Variants in TF observed in about 807,000 individuals in gnomAD.
TF encodes the protein transferrin, also known as serotransferrin.
A neutral mutation model predicts 82.4 loss-of-function variants in TF; 55 were observed. The observed-to-expected ratio is 0.67, with a 90% CI of 0.54 to 0.84. The LOEUF (loss-of-function observed/expected upper bound fraction) is 0.84. TF is among the 40% of genes least tolerant of loss of function. TF has a pLI of 0.00. For missense variants in TF, 737 were observed against 868.4 expected (o/e 0.85, Z 1.90); for synonymous variants, 332 against 332.6 (o/e 1.00, Z 0.02).
chr3:133,740,519 C>G, the TF span, among the ~76,000 whole-genome samples: 1 of 152,156 alleles, frequency 6.6e-6, no homozygotes, highest in East Asian at 1.9e-4. Context: ...TTAGTATACA[C>G]GGGGTTTCAC....
At chr3:133,720,948 T>G in the TF span, among the ~76,000 whole-genome samples, 4 of 152,152 alleles carry the variant, frequency 2.6e-5, no homozygotes, top group African/African-American at 9.6e-5. Flanking sequence ...TAATGTCTCC[T>G]CTTTCATTTC....
the TF span, among the ~76,000 whole-genome samples, chr3:133,677,464 G>A: frequency 7.7e-3 from 1,172 of 152,092 alleles, 10 homozygotes; most frequent in African/African-American, 0.026. Context: ...TGGTGAAACC[G>A]TGTCTCTACT....
the TF span, among the ~76,000 whole-genome samples, chr3:133,730,030 T>C: frequency 6.6e-6 from 1 of 152,216 alleles, no homozygotes; most frequent in African/African-American, 2.4e-5. Flanking sequence ...TTCTCTTGCT[T>C]TTTCATGTTT....
chr3:133,735,482 G>A, the TF span, among the ~76,000 whole-genome samples: 1 of 152,150 alleles, frequency 6.6e-6, no homozygotes, highest in Admixed American at 6.5e-5. Flanking sequence ...ATAGGCTTCA[G>A]AAGGTGGGTA....
In TF at chr3:133,775,542, C is replaced by A; in HGVS notation, c.1797C>A (p.Ala599=). The change falls in exon 15 of 17, where the codon GCC becomes GCA. Residue 599 remains alanine (A), a synonymous_variant. Transcript: ENST00000402696. ...PVEEYANCHL[A]RAPNHAVVTR... ...AGGAGTATGCGAACTGCCACCTGGC[C>A]AGAGCCCCGAATCACGCTGTGGTCA... is the stretch of plus-strand genomic sequence containing the variant. 6.2e-7 allele frequency: 1 copy of A among 1,614,180 alleles called. No homozygotes were observed. Among genetic ancestry groups the A allele is most frequent in the South Asian group, 1.1e-5 (1 of 91,084 alleles).
At chr3:133,717,159 C>G in the TF span, among the ~76,000 whole-genome samples, 2 of 152,138 alleles carry the variant, frequency 1.3e-5, no homozygotes, top group Non-Finnish European at 2.9e-5. Context: ...CTTCGTGTCT[C>G]TTTTCTTCTG....
chr3:133,699,803 AG>A, the TF span: 6 of 258,234 alleles, frequency 2.3e-5, no homozygotes, highest in Admixed American at 8.9e-5. Flanking sequence ...TGTTATATAC[AG>A]CAGAGGAATA....
chr3:133,787,725 T>C lies in TF; in HGVS notation c.*9105T>C, dbSNP rs1461436989. 6.6e-6 allele frequency: 1 copy of C among 152,194 alleles called. No homozygotes were observed. Among genetic ancestry groups the C allele is most frequent in the Non-Finnish European group, 1.5e-5 (1 of 68,030 alleles). 9.4% of individuals were successfully genotyped at this position (152,194 alleles called of 1,614,324 possible). A position where few individuals can be genotyped will look rare whatever the true frequency, so the allele number is the denominator to read the frequency against. Reference sequence around the variant, plus strand: ...GTACTAGAAAATTTCAGTTTATCCATTGCCTTATATGTTAAATGCATTGCA... The same window carrying C: ...GTACTAGAAAATTTCAGTTTATCCACTGCCTTATATGTTAAATGCATTGCA... On this transcript the variant is annotated 3_prime_UTR_variant, in exon 17 of 17. Coordinates refer to ENST00000402696, the MANE Select transcript of TF (RefSeq NM_001063.4).
intron 14 of TF, 143 bp from the exon 15 acceptor site, chr3:133,775,290 G>A: frequency 2.5e-6 from 2 of 805,572 alleles, no homozygotes; most frequent in East Asian, 5.0e-5. Context: ...GTCTCTTCCT[G>A]TCCACATCAC....
At chr3:133,759,550 G>C (rs1933932280) in intron 9 of TF, among the ~76,000 whole-genome samples, 1 of 152,198 alleles carries the variant, frequency 6.6e-6, no homozygotes, top group South Asian at 2.1e-4. Context: ...ATGAGTGTAT[G>C]GTGAAAGGGC....
At chr3:133,667,374 C>T in the TF span, among the ~76,000 whole-genome samples, 145,445 of 147,884 alleles carry the variant, frequency 0.98, 71,534 homozygotes, top group South Asian at 0.99. Context: ...AAAAAAAAAA[C>T]CCAAGTATGT....
At chr3:133,728,863 C>A in the TF span, among the ~76,000 whole-genome samples, 6 of 152,192 alleles carry the variant, frequency 3.9e-5, no homozygotes, top group Non-Finnish European at 7.3e-5. Flanking sequence ...TGTTAGCTTT[C>A]CTTTTACCAG....
the TF span, among the ~76,000 whole-genome samples, chr3:133,725,019 C>T: frequency 6.6e-6 from 1 of 152,128 alleles, no homozygotes; most frequent in Non-Finnish European, 1.5e-5. Flanking sequence ...ATCTATATCT[C>T]TGTTTTGGTA....
At chr3:133,714,313 G>A in the TF span, among the ~76,000 whole-genome samples, 1 of 152,200 alleles carries the variant, frequency 6.6e-6, no homozygotes, top group Non-Finnish European at 1.5e-5. Context: ...GCAGGGCAGT[G>A]CTGTATGAAT....
At chr3:133,747,427 C>G (rs1032207384) in intron 1 of TF, 6 of 152,320 alleles carry the variant, frequency 3.9e-5, no homozygotes, top group African/African-American at 1.2e-4. Flanking sequence ...GTGGCCATCC[C>G]TGGTGGCCCC....
rs557619305 is a variant in TF at position 133,779,036 on chromosome 3, G to A, written c.*416G>A. 101 of 213,864 alleles carry A rather than the reference G, an allele frequency of 4.7e-4. No individual in the cohort carries two copies. The highest frequency in any genetic ancestry group is 4.6e-3 in the South Asian group (59 of 12,724). The allele number at this position is 213,864 out of a possible 1,614,324, so 13.2% of individuals were successfully genotyped here. A position where few individuals can be genotyped will look rare whatever the true frequency, so the allele number is the denominator to read the frequency against. ...GGTGTGTGTGTGCACGTGCGCGTGC[G>A]TGTGTCATGCTAAGGAAGGGGCAAG... On this transcript the variant is annotated 3_prime_UTR_variant, in exon 17 of 17. Transcript: ENST00000402696.
At chr3:133,776,772 G>A (rs1425518699) in intron 15 of TF, among the ~76,000 whole-genome samples, 2 of 152,156 alleles carry the variant, frequency 1.3e-5, no homozygotes, top group East Asian at 1.9e-4. Flanking sequence ...GGGGAAGAGA[G>A]GTCAGAGTAG....
At chr3:133,685,228 C>T in the TF span, among the ~76,000 whole-genome samples, 1 of 152,176 alleles carries the variant, frequency 6.6e-6, no homozygotes, top group African/African-American at 2.4e-5. Flanking sequence ...CTATCTGTGA[C>T]AAACCCACAG....
At chr3:133,744,886 C>A (rs575766174), upstream of TF, among the ~76,000 whole-genome samples, 1 of 152,150 alleles carries the variant, frequency 6.6e-6, no homozygotes, top group Non-Finnish European at 1.5e-5. Context: ...GTGAATTGGC[C>A]CTATCTCCCA....
Sources: gnomAD v4.1 joint callset for allele counts (sites outside exome capture counted in the v4.1 genomes callset) on GRCh38, gnomAD v4.1.1 for gene constraint, MANE v1.5 for transcripts, NCBI Gene and HGNC (gene_info 2026-07-23, HGNC 2026-07-21) for gene names.